The following C10orf105 variants were observed in gnomAD, a reference collection of about 807,000 sequenced individuals.
C10orf105 encodes uncharacterized protein C10orf105.
A neutral mutation model predicts 0.6 loss-of-function variants in C10orf105; 2 were observed. That is an observed-to-expected ratio of 3.18 (90% CI 1.30 to 10.01). The LOEUF (loss-of-function observed/expected upper bound fraction) is 10.01, where lower values mean the gene tolerates loss of function less well. Ranked by LOEUF, C10orf105 falls within the 30% of genes most tolerant of loss-of-function variation. The pLI, the probability that C10orf105 is intolerant of heterozygous loss-of-function variation, is 0.04. For synonymous variants in C10orf105, 95 were observed against 82.4 expected (o/e 1.15, Z -0.83); for missense variants, 209 against 191.4 (o/e 1.09, Z -0.54).
Position 71,712,890 on chromosome 10 carries a change from T to A in C10orf105, c.*3046A>T. 1 of 1,529,164 alleles carries A rather than the reference T, an allele frequency of 6.5e-7. No homozygotes were observed. Among genetic ancestry groups the A allele is most frequent in the Non-Finnish European group, 8.9e-7 (1 of 1,120,744 alleles). 94.7% of individuals were successfully genotyped at this position (1,529,164 alleles called of 1,614,324 possible). On this transcript the variant is annotated 3_prime_UTR_variant, in exon 2 of 2. Transcript: ENST00000441508. ...CACACACGGCCCTGAGGGCACATGC[T>A]CAGTGGCACCAGAGGCGGAAGCAGG...
At chr10:71,730,374 G>A in intron 1 of C10orf105, 2 of 1,488,656 alleles carry the variant, frequency 1.3e-6, no homozygotes, top group Middle Eastern at 2.5e-4. Flanking sequence ...GCCCAGGAAA[G>A]CAGTGACCAC....
At position 71,712,238 on chromosome 10, in the gene C10orf105, G is replaced by C. The variant is rs1320314868; in HGVS notation, c.*3698C>G. On this transcript the variant is annotated 3_prime_UTR_variant, in exon 2 of 2. Coordinates refer to ENST00000441508, the MANE Select transcript of C10orf105 (RefSeq NM_001164375.3). ...TTTATGGGCCACCCAGCTCACCCAG[G>C]ATGATCACTTCTCAAGATCCTTAAC... The C allele has an allele frequency of 1.2e-5, 2 of 165,062 alleles. No individual in the cohort carries two copies. Among genetic ancestry groups the C allele is most frequent in the African/African-American group, 4.8e-5 (2 of 41,738 alleles). 10.2% of individuals were successfully genotyped at this position (165,062 alleles called of 1,614,324 possible).
upstream of C10orf105, among the ~76,000 whole-genome samples, chr10:71,722,176 C>T (rs1487943306): frequency 6.6e-6 from 1 of 152,202 alleles, no homozygotes; most frequent in Admixed American, 6.5e-5. Context: ...CATGGTGGCT[C>T]ATGCCTGTAA....
At chr10:71,724,221 C>T (rs1866705015), upstream of C10orf105, 2 of 1,090,204 alleles carry the variant, frequency 1.8e-6, no homozygotes, top group South Asian at 1.4e-5. Context: ...GGGCCATATA[C>T]ATGGGGCGAG....
chr10:71,721,105 G>C (rs986632315), upstream of C10orf105, among the ~76,000 whole-genome samples: 12 of 152,244 alleles, frequency 7.9e-5, no homozygotes, highest in Non-Finnish European at 1.6e-4. Flanking sequence ...AAAGCTTCCA[G>C]GGTGGTGCAG....
intron 1 of C10orf105, chr10:71,730,631 A>T: frequency 6.2e-7 from 1 of 1,612,694 alleles, no homozygotes; most frequent in Non-Finnish European, 8.5e-7. Flanking sequence ...GAAGCCGGGG[A>T]TCCCATTGCT....
At chr10:71,732,994 G>A (rs1042743557) in intron 1 of C10orf105, among the ~76,000 whole-genome samples, 1 of 152,130 alleles carries the variant, frequency 6.6e-6, no homozygotes, top group Non-Finnish European at 1.5e-5. Context: ...CACAGGTTGA[G>A]GGCTCAGTCT....
At chr10:71,734,948 G>T (rs908462638) in intron 1 of C10orf105, among the ~76,000 whole-genome samples, 3 of 152,234 alleles carry the variant, frequency 2.0e-5, no homozygotes, top group African/African-American at 7.2e-5. Context: ...GCTCATCCCA[G>T]CTCCACTCCT....
chr10:71,730,086 G>A (rs890922445), intron 1 of C10orf105, among the ~76,000 whole-genome samples: 10 of 151,962 alleles, frequency 6.6e-5, no homozygotes, highest in East Asian at 1.9e-4. Flanking sequence ...TGCCCACCTC[G>A]GCCTCCCAAA....
intron 1 of C10orf105, chr10:71,734,425 C>G: frequency 6.7e-7 from 1 of 1,495,092 alleles, no homozygotes; most frequent in Non-Finnish European, 9.1e-7. Context: ...CGCCAGCCAC[C>G]CAATGTATGG....
At chr10:71,734,185 C>G in intron 1 of C10orf105, 1 of 1,442,140 alleles carries the variant, frequency 6.9e-7, no homozygotes, top group South Asian at 1.2e-5. Flanking sequence ...GCAGAATGAC[C>G]AGGGTTAACA....
At chr10:71,723,719 A>G (rs2132798643), upstream of C10orf105, among the ~76,000 whole-genome samples, 1 of 152,234 alleles carries the variant, frequency 6.6e-6, no homozygotes, top group Admixed American at 6.5e-5. Context: ...ATGTGGAGGG[A>G]TGGAACAGCC....
At chr10:71,718,480 C>G (rs562015657) in intron 1 of C10orf105, among the ~76,000 whole-genome samples, 1 of 152,362 alleles carries the variant, frequency 6.6e-6, no homozygotes, top group Admixed American at 6.5e-5. Context: ...GGCATCAGGC[C>G]TAGAGAGCAC....
intron 1 of C10orf105, among the ~76,000 whole-genome samples, chr10:71,733,700 CAA>C (rs1328505186): frequency 3.3e-5 from 5 of 152,236 alleles, no homozygotes; most frequent in African/African-American, 1.2e-4. Context: ...GGCTTCATTG[CAA>C]TAGTTATTCT....
At chr10:71,728,476 C>T (rs1412980071) in intron 1 of C10orf105, among the ~76,000 whole-genome samples, 1 of 152,166 alleles carries the variant, frequency 6.6e-6, no homozygotes, top group Non-Finnish European at 1.5e-5. Context: ...TCGGCTTCTA[C>T]CAGCCAGAAG....
chr10:71,725,534 C>G, intron 1 of C10orf105: 2 of 1,609,378 alleles, frequency 1.2e-6, no homozygotes, highest in Non-Finnish European at 1.7e-6. Flanking sequence ...AGGCTAGGGG[C>G]GGGCTGGGGT....
chr10:71,736,801 T>C (rs946051342), intron 1 of C10orf105, among the ~76,000 whole-genome samples: 1 of 152,146 alleles, frequency 6.6e-6, no homozygotes. Flanking sequence ...AAGTGTACGA[T>C]ACAGTGAGGG....
intron 1 of C10orf105, among the ~76,000 whole-genome samples, chr10:71,735,387 C>G (rs1839535295): frequency 6.6e-6 from 1 of 152,292 alleles, no homozygotes; most frequent in Non-Finnish European, 1.5e-5. Context: ...CTAGAAGAGG[C>G]GGCCCGGCCT....
upstream of C10orf105, among the ~76,000 whole-genome samples, chr10:71,724,710 G>A (rs778315390): frequency 6.6e-6 from 1 of 152,200 alleles, no homozygotes; most frequent in Non-Finnish European, 1.5e-5. Flanking sequence ...CCAGCAGCAC[G>A]CTCCCCAGGG....
Sources: gnomAD v4.1 joint callset for allele counts (sites outside exome capture counted in the v4.1 genomes callset) on GRCh38, gnomAD v4.1.1 for gene constraint, MANE v1.5 for transcripts, NCBI Gene and HGNC (gene_info 2026-07-23, HGNC 2026-07-21) for gene names.